Variants in EPS15 observed in about 807,000 individuals in gnomAD.
EPS15 encodes the protein epidermal growth factor receptor substrate 15.
A neutral mutation model predicts 113.8 loss-of-function variants in EPS15; 72 were observed. That is an observed-to-expected ratio of 0.63 (90% confidence interval 0.52 to 0.77). The LOEUF (loss-of-function observed/expected upper bound fraction) is 0.77, where lower values mean the gene tolerates loss of function less well. Ranked by LOEUF, EPS15 falls within the 30% of genes least tolerant of loss-of-function variation. The probability of loss-of-function intolerance (pLI) is 0.00; values close to 1 mark genes in which losing one functional copy is unlikely to be tolerated. For missense variants in EPS15, 1,048 were observed against 1,045.8 expected (o/e 1.00, Z -0.03); for synonymous variants, 344 against 363.4 (o/e 0.95, Z 0.61).
At chr1:51,458,354 A>G (rs965024744) in intron 8 of EPS15, 2 of 155,788 alleles carry the variant, frequency 1.3e-5, no homozygotes, top group African/African-American at 4.8e-5. Flanking sequence ...CTCCAGGCAT[A>G]TAAGATAAAT....
At chr1:51,400,024 C>G (rs1017916035) in intron 19 of EPS15, among the ~76,000 whole-genome samples, 4 of 152,134 alleles carry the variant, frequency 2.6e-5, no homozygotes, top group Non-Finnish European at 5.9e-5. Context: ...AATTTTAAGT[C>G]CCCTTATTCT....
chr1:51,386,273 AAAAGT>A (rs1199646114), intron 21 of EPS15, among the ~76,000 whole-genome samples: 14 of 152,226 alleles, frequency 9.2e-5, no homozygotes, highest in African/African-American at 3.4e-4. Context: ...CAGATAAGAG[AAAAGT>A]AAAGTAATTT....
chr1:51,479,922 A>G (rs1436773448), intron 2 of EPS15, among the ~76,000 whole-genome samples: 1 of 152,248 alleles, frequency 6.6e-6, no homozygotes, highest in Non-Finnish European at 1.5e-5. Context: ...TAGGAACCTT[A>G]GCAAATCTGG....
At chr1:51,458,269 G>A (rs1214275111) in intron 8 of EPS15, 1 of 150,228 alleles carries the variant, frequency 6.7e-6, no homozygotes, top group African/African-American at 2.5e-5. Context: ...TCCTACAAAT[G>A]TATTTATTAT....
chr1:51,508,338 G>GAGAAAGAAAGAAAGGAAAGAA (rs1644553729), intron 1 of EPS15, among the ~76,000 whole-genome samples: 3 of 122,248 alleles, frequency 2.5e-5, no homozygotes, highest in African/African-American at 9.7e-5. Flanking sequence ...AAGAGAAAGA[G>GAGAAAGAAAGAAAGGAAAGAA]AGAAAGAAAG....
At position 51,356,698 on chromosome 1, in the gene EPS15, C is replaced by T. The variant is rs752580242; in HGVS notation, c.*2G>A. On this transcript the variant is annotated 3_prime_UTR_variant, in exon 25 of 25. Coordinates refer to ENST00000371733, the MANE Select transcript of EPS15 (RefSeq NM_001981.3). ...ATTGTTGCCAAAGAACAAGAGAATT[C>T]TTCATGCTTCTGATATCTCAGATTT... 8 of 1,612,932 alleles carry T rather than the reference C, an allele frequency of 5.0e-6. No individual in the cohort carries two copies. The highest frequency in any genetic ancestry group is 6.8e-6 in the Non-Finnish European group (8 of 1,179,514).
Position 51,356,810 on chromosome 1 carries a change from T to C in EPS15, c.2581A>G (p.Arg861Gly), listed in dbSNP as rs1315621194. ...SEEDMIEWAK[R>G]ESEREEEQRL... ...TGCTCTTCCTCTCTCTCACTTTCCCTCTTGGCCCATTCGATCATATCTTCT... is the reference window on the plus strand; with the variant it reads ...TGCTCTTCCTCTCTCTCACTTTCCCCCTTGGCCCATTCGATCATATCTTCT... The change falls in exon 25 of 25, where the codon AGG (arginine) becomes GGG (glycine). Residue 861 changes from arginine to glycine, a missense_variant. Transcript: ENST00000371733. 4 of 1,613,794 alleles carry C rather than the reference T, an allele frequency of 2.5e-6. No individual in the cohort carries two copies. The highest frequency in any genetic ancestry group is 1.7e-5 in the Admixed American group (1 of 59,992).
intron 12 of EPS15, among the ~76,000 whole-genome samples, chr1:51,431,012 ACACACACACAC>A (rs1370680895): frequency 8.0e-5 from 11 of 138,312 alleles, no homozygotes; most frequent in African/African-American, 2.6e-4. Flanking sequence ...ACACACACAC[ACACACACACAC>A]ACACAAAAAT....
intron 11 of EPS15, among the ~76,000 whole-genome samples, chr1:51,441,880 C>T (rs560080326): frequency 2.0e-5 from 3 of 152,164 alleles, no homozygotes; most frequent in South Asian, 2.1e-4. Context: ...AAGATCATTT[C>T]GGTAAATGAA....
At chr1:51,457,422 C>T (rs1040508647) in intron 8 of EPS15, 4 of 150,886 alleles carry the variant, frequency 2.7e-5, no homozygotes, top group East Asian at 3.9e-4. Flanking sequence ...AGTACTAGTA[C>T]AGGAAAAGGG....
In EPS15 at chr1:51,445,003, A is replaced by G. The variant is rs372019024; in HGVS notation, c.840T>C (p.Asp280=). 7.4e-6 allele frequency: 12 copies of G among 1,613,868 alleles called. No homozygotes were observed. The highest frequency in any genetic ancestry group is 9.3e-6 in the Non-Finnish European group (11 of 1,179,910). The part of the protein sequence containing the change: ...DTKDCGKLSK[D]QFALAFHLIS... Reference sequence around the variant, plus strand: ...TTAAGTGAAAAGCCAAGGCAAACTGATCCTTTGAAAGCTTCCCACAGTCCT... The same window carrying G: ...TTAAGTGAAAAGCCAAGGCAAACTGGTCCTTTGAAAGCTTCCCACAGTCCT... The change falls in exon 11 of 25, where the codon GAT becomes GAC. Residue 280 remains aspartate (D), a synonymous_variant. Coordinates refer to ENST00000371733, the MANE Select transcript of EPS15 (RefSeq NM_001981.3).
chr1:51,460,861 C>T (rs1654383409), intron 8 of EPS15: 9 of 364,508 alleles, frequency 2.5e-5, no homozygotes, highest in Non-Finnish European at 4.0e-5. Flanking sequence ...GGCTGAGGCA[C>T]GAGAATTACT....
intron 4 of EPS15, among the ~76,000 whole-genome samples, chr1:51,469,071 A>C (rs1342744355): frequency 6.6e-6 from 1 of 152,200 alleles, no homozygotes; most frequent in Non-Finnish European, 1.5e-5. Flanking sequence ...CAGAGGTTGC[A>C]GTGAGCCGAG....
intron 8 of EPS15, among the ~76,000 whole-genome samples, chr1:51,454,951 G>C (rs1474436244): frequency 6.6e-6 from 1 of 150,384 alleles, no homozygotes; most frequent in Non-Finnish European, 1.5e-5. Context: ...AAAAAAAAGA[G>C]CATGACTCTA....
chr1:51,467,078 A>G (rs1346136246), intron 5 of EPS15, among the ~76,000 whole-genome samples: 1 of 152,222 alleles, frequency 6.6e-6, no homozygotes, highest in Non-Finnish European at 1.5e-5. Flanking sequence ...TATTAGCACA[A>G]GAAAAGCTAT....
At chr1:51,406,815 C>G (rs919986345) in intron 15 of EPS15, among the ~76,000 whole-genome samples, 1 of 152,138 alleles carries the variant, frequency 6.6e-6, no homozygotes, top group African/African-American at 2.4e-5. Context: ...AACCATGACT[C>G]TGCTAGGGGA....
chr1:51,365,126 C>T (rs1646479738), intron 22 of EPS15, among the ~76,000 whole-genome samples: 1 of 152,200 alleles, frequency 6.6e-6, no homozygotes. Context: ...GCCACCGCGC[C>T]TGGCTGGAAT....
chr1:51,418,568 T>C (rs193162833), intron 13 of EPS15, among the ~76,000 whole-genome samples: 1 of 152,052 alleles, frequency 6.6e-6, no homozygotes, highest in African/African-American at 2.4e-5. Flanking sequence ...GTGGCAGCAA[T>C]AGCCAAGGAA....
intron 8 of EPS15, among the ~76,000 whole-genome samples, chr1:51,449,888 A>G (rs1384041475): frequency 6.6e-6 from 1 of 151,718 alleles, no homozygotes; most frequent in East Asian, 1.9e-4. Context: ...GGAGGAAGCC[A>G]TGGTTGCAAA....
Sources: allele counts gnomAD v4.1 joint callset (sites outside exome capture counted in the v4.1 genomes callset), GRCh38; gene constraint gnomAD v4.1.1; transcripts MANE v1.5; gene names NCBI Gene and HGNC (gene_info 2026-07-23, HGNC 2026-07-21).